The following NLGN4X variants were observed in gnomAD, a reference collection of about 807,000 sequenced individuals.
NLGN4X encodes neuroligin 4 X-linked.
NLGN4X carries 3 observed loss-of-function variants against 40.3 expected under a neutral mutation model. The observed-to-expected ratio is 0.07, with a 90% confidence interval of 0.03 to 0.19. NLGN4X has a LOEUF of 0.19. Among genes scored for constraint, NLGN4X ranks in the 10% least tolerant of loss-of-function variants. The probability of loss-of-function intolerance (pLI) is 1.00; values close to 1 mark genes in which losing one functional copy is unlikely to be tolerated. For synonymous variants in NLGN4X, 270 were observed against 306.8 expected (o/e 0.88, Z 1.25); for missense variants, 382 against 708.3 (o/e 0.54, Z 5.23).
At chrX:6,145,688 G>A (rs1423927377) in intron 2 of NLGN4X, among the ~76,000 whole-genome samples, 52 of 111,366 alleles carry the variant, frequency 4.7e-4, no homozygotes, top group Non-Finnish European at 2.4e-4. Flanking sequence ...TAAAAGAAGC[G>A]AATACATTTT....
chrX:6,084,392 CAGG>C (rs1377193923), intron 2 of NLGN4X, among the ~76,000 whole-genome samples: 1 of 111,363 alleles, frequency 9.0e-6, no homozygotes, highest in African/African-American at 3.3e-5. Context: ...CCATTGGACA[CAGG>C]AGGAGTACTT....
intron 2 of NLGN4X, among the ~76,000 whole-genome samples, chrX:6,092,389 G>GCCAGAAA (rs1444897720): frequency 8.9e-6 from 1 of 112,037 alleles, no homozygotes; most frequent in East Asian, 2.8e-4. Flanking sequence ...AGGGGCTGGG[G>GCCAGAAA]CCAGAAACCC....
At position 6,066,214 on chromosome X, in the gene NLGN4X, C is replaced by A. The variant is rs373400868; in HGVS notation, c.473-36782G>T. On this transcript the variant is annotated intron_variant, in intron 2 of 5. Transcript: ENST00000381095. ...GGTGATGACAGCTGCTTATGAACAT[C>A]CTCTGCTTTTATCCTATTAGGCGGT... is the stretch of plus-strand genomic sequence containing the variant. Among the ~76,000 whole-genome samples, 3 of 112,097 alleles carry A rather than the reference C, an allele frequency of 2.7e-5. No homozygotes were observed. The East Asian group carries it at 8.5e-4, about 32-fold the overall frequency.
intron 3 of NLGN4X, among the ~76,000 whole-genome samples, chrX:5,909,662 C>T (rs1448700457): frequency 9.4e-6 from 1 of 106,464 alleles, no homozygotes; most frequent in Non-Finnish European, 1.9e-5. Context: ...GGGGAGGGGG[C>T]GTAAGTGCAC....
intron 2 of NLGN4X, among the ~76,000 whole-genome samples, chrX:6,107,754 C>T (rs1394564823): frequency 9.0e-6 from 1 of 111,548 alleles, no homozygotes; most frequent in East Asian, 2.8e-4. Context: ...TCTTTATATC[C>T]ATGTGTACCC....
Position 6,151,440 on chromosome X carries a change from C to T in NLGN4X, c.27G>A (p.Trp9Ter). The T allele has an allele frequency of 8.3e-7, 1 of 1,210,644 alleles. No homozygotes were observed. The highest frequency in any genetic ancestry group is 1.1e-6 in the Non-Finnish European group (1 of 894,731). The part of the protein sequence containing the change: MSRPQGLL[W>*]LPLLFTPVCV... ...AGACCGGGGTGAACAACAAAGGAAG[C>T]CATAGCAGTCCCTGGGGCCGTGACA... The change falls in exon 2 of 6, where the codon TGG becomes TGA. Residue 9 changes from tryptophan (W) to a stop codon, truncating the protein, a stop_gained. Coordinates refer to ENST00000381095, the MANE Select transcript of NLGN4X (RefSeq NM_181332.3). LOFTEE classifies it high-confidence loss of function.
chrX:5,947,123 T>C (rs1419360206), intron 3 of NLGN4X, among the ~76,000 whole-genome samples: 5 of 112,107 alleles, frequency 4.5e-5, no homozygotes, highest in Non-Finnish European at 9.4e-5. Context: ...CTATTGTGAA[T>C]AGTGCTACAA....
chrX:5,899,581 C>G (rs2031722601), intron 5 of NLGN4X, among the ~76,000 whole-genome samples: 1 of 111,707 alleles, frequency 9.0e-6, no homozygotes, highest in African/African-American at 3.3e-5. Flanking sequence ...TCTCACGGCT[C>G]TCTCAGACCT....
chrX:5,997,631 T>TAC (rs2035865479), intron 3 of NLGN4X, among the ~76,000 whole-genome samples: 2 of 32,670 alleles, frequency 6.1e-5, no homozygotes, highest in Non-Finnish European at 9.8e-5. Flanking sequence ...TATATATATA[T>TAC]ACACACGTAT....
chrX:6,143,603 C>A (rs890921321), intron 2 of NLGN4X, among the ~76,000 whole-genome samples: 1 of 112,279 alleles, frequency 8.9e-6, no homozygotes, highest in Non-Finnish European at 1.9e-5. Context: ...CCCTTTGGTA[C>A]CTTTCTGTGT....
intron 3 of NLGN4X, among the ~76,000 whole-genome samples, chrX:5,987,282 A>T (rs1164150718): frequency 8.9e-6 from 1 of 112,443 alleles, no homozygotes; most frequent in African/African-American, 3.2e-5. Context: ...TAATTATGTG[A>T]TTCAGGGATG....
chrX:6,226,141 TGCAAG>T (rs1471264204), intron 1 of NLGN4X, among the ~76,000 whole-genome samples: 13 of 106,414 alleles, frequency 1.2e-4, no homozygotes, highest in Admixed American at 5.9e-4. Context: ...CCGGGCGAGT[TGCAAG>T]CCCCGGCGCA....
At chrX:5,982,874 A>C (rs147786272) in intron 3 of NLGN4X, among the ~76,000 whole-genome samples, 3,773 of 111,680 alleles carry the variant, frequency 0.034, 165 homozygotes, top group African/African-American at 0.12. Flanking sequence ...CAATACAAAC[A>C]AACAAAAAAC....
chrX:6,176,133 C>A (rs1376880023), intron 1 of NLGN4X, among the ~76,000 whole-genome samples: 1 of 111,479 alleles, frequency 9.0e-6, no homozygotes, highest in African/African-American at 3.3e-5. Flanking sequence ...GAATTTCTCA[C>A]CAGCCAGCCA....
At chrX:5,980,668 A>G (rs1386464022) in intron 3 of NLGN4X, among the ~76,000 whole-genome samples, 1 of 109,992 alleles carries the variant, frequency 9.1e-6, no homozygotes. Flanking sequence ...ATTCCTGCAT[A>G]GAATTACCTT....
intron 3 of NLGN4X, among the ~76,000 whole-genome samples, chrX:5,961,508 G>A (rs1601955788): frequency 1.8e-5 from 2 of 111,958 alleles, no homozygotes; most frequent in African/African-American, 6.5e-5. Flanking sequence ...TGCACAGGTT[G>A]GATGGGTATC....
At position 6,216,622 on chromosome X, in the gene NLGN4X, T is replaced by C. The variant is rs138806623; in HGVS notation, c.-306+11919A>G. ...TTGTGGAGTCAGGGGTGAGGGAGTA[T>C]GGTTTACTTTTAAATATAGTTTTGC... is the stretch of plus-strand genomic sequence containing the variant. On this transcript the variant is annotated intron_variant, in intron 1 of 5. Transcript: ENST00000381095. Among the ~76,000 whole-genome samples the C allele has an allele frequency of 3.6e-3, 399 of 111,931 alleles. 3 individuals carry two copies. Among genetic ancestry groups the C allele is most frequent in the African/African-American group, 0.012 (379 of 30,808 alleles).
intron 3 of NLGN4X, among the ~76,000 whole-genome samples, chrX:5,910,627 G>A: frequency 9.0e-6 from 1 of 111,481 alleles, no homozygotes; most frequent in East Asian, 2.8e-4. Flanking sequence ...TAGAGGATGA[G>A]GCTGCATACC....
At chrX:5,932,442 T>A (rs2033579862) in intron 3 of NLGN4X, among the ~76,000 whole-genome samples, 1 of 110,108 alleles carries the variant, frequency 9.1e-6, no homozygotes, top group African/African-American at 3.3e-5. Context: ...TACCAAACGC[T>A]CTCTCTCAAC....
Sources: allele counts gnomAD v4.1 joint callset (sites outside exome capture counted in the v4.1 genomes callset), GRCh38; gene constraint gnomAD v4.1.1; transcripts MANE v1.5; gene names NCBI Gene and HGNC (gene_info 2026-07-23, HGNC 2026-07-21).